PGLYRP3: variants seen among roughly 807,000 people sequenced by gnomAD.
PGLYRP3 encodes peptidoglycan recognition protein 3, also known as peptidoglycan recognition protein I alpha.
In PGLYRP3, 39 loss-of-function variants were observed where a neutral mutation model predicts 36.0. That is an observed-to-expected ratio of 1.08 (90% CI 0.84 to 1.41). The LOEUF is 1.41. Among genes scored for constraint, PGLYRP3 ranks in the 40% most tolerant of loss-of-function variants. The probability of loss-of-function intolerance (pLI) is 0.00; values close to 1 mark genes in which losing one functional copy is unlikely to be tolerated. For synonymous variants in PGLYRP3, 204 were observed against 172.8 expected (o/e 1.18, Z -1.42); for missense variants, 407 against 427.9 (o/e 0.95, Z 0.43).
chr1:153,304,144 G>C, intron 4 of PGLYRP3, 135 bp from the exon 5 acceptor site: 2 of 802,538 alleles, frequency 2.5e-6, no homozygotes, highest in Non-Finnish European at 3.8e-6. Flanking sequence ...CCAGTTGCCA[G>C]AACAGAGTGC....
In PGLYRP3 at chr1:153,307,104, A is replaced by G; in HGVS notation, c.219T>C (p.His73=). The G allele has an allele frequency of 6.2e-7, 1 of 1,613,732 alleles. No individual in the cohort carries two copies. Among genetic ancestry groups the G allele is most frequent in the Non-Finnish European group, 8.5e-7 (1 of 1,179,874 alleles). ...CGCACCAGCCTATGGTGTAGACGGA[A>G]TGGGACTGCAACCCCCGCAGCATCT... ...CSQMLRGLQS[H]SVYTIGWCDV... is the part of the protein sequence containing the mutation. Residue 73 remains histidine, a synonymous_variant, in exon 3 of 8, where the codon CAT becomes CAC. Coordinates refer to ENST00000683862, the MANE Select transcript of PGLYRP3 (RefSeq NM_052891.3).
chr1:153,304,094 C>T, intron 4 of PGLYRP3, 85 bp from the exon 5 acceptor site: 1 of 1,313,086 alleles, frequency 7.6e-7, no homozygotes, highest in South Asian at 1.4e-5. Flanking sequence ...GATATGACCA[C>T]TTGAGCCTGA....
At chr1:153,312,404 C>T (rs1349256697) in intron 1 of PGLYRP3, among the ~76,000 whole-genome samples, 1 of 152,140 alleles carries the variant, frequency 6.6e-6, no homozygotes. Context: ...GTAGAGGTAA[C>T]CTCAGAACCC....
chr1:153,311,561 T>C (rs1465701167), intron 1 of PGLYRP3, among the ~76,000 whole-genome samples: 2 of 152,200 alleles, frequency 1.3e-5, no homozygotes, highest in African/African-American at 2.4e-5. Flanking sequence ...AGGATCACTA[T>C]AGTCTTTTCC....
chr1:153,310,770 A>G, intron 1 of PGLYRP3, 64 bp from the exon 2 acceptor site: 2 of 1,000,286 alleles, frequency 2.0e-6, no homozygotes, highest in South Asian at 1.4e-5. Context: ...CCCACCTACT[A>G]TGTGGCACCA....
intron 6 of PGLYRP3, 95 bp from the exon 7 acceptor site, chr1:153,299,326 C>T (rs1659529781): frequency 1.1e-6 from 1 of 918,202 alleles, no homozygotes; most frequent in African/African-American, 1.6e-5. Context: ...TTCTTTCATC[C>T]ATTCATCCAA....
Position 153,299,185 on chromosome 1 carries a change from G to T in PGLYRP3, c.775C>A (p.His259Asn). The T allele has an allele frequency of 3.1e-6, 5 of 1,614,016 alleles. No homozygotes were observed. Among genetic ancestry groups the T allele is most frequent in the Non-Finnish European group, 4.2e-6 (5 of 1,179,986 alleles). Residue 259 changes from histidine to asparagine, a missense_variant, in exon 7 of 8, where the codon CAC becomes AAC. His to Asn is a moderately conservative substitution (Grantham distance 68, BLOSUM62 1). Coordinates refer to ENST00000683862, the MANE Select transcript of PGLYRP3 (RefSeq NM_052891.3). The part of the protein sequence containing the change: ...DGGVYEGVGW[H>N]IQGSHTYGFN... The stretch of plus-strand genomic sequence containing the variant: ...CCATAAGTGTGAGAGCCTTGGATGT[G>T]CCATCCAACCCCTTCATACACGCCA...
rs1175685618 is a variant in PGLYRP3 at position 153,304,084 on chromosome 1, G to T, written c.377-75C>A. 21 of 1,394,144 alleles carry T rather than the reference G, an allele frequency of 1.5e-5. No individual in the cohort carries two copies. In the South Asian group the frequency reaches 2.2e-4, roughly 14 times the overall value. 86.4% of individuals were successfully genotyped at this position (1,394,144 alleles called of 1,614,324 possible). ...TAGACCAGACACCTGCAGAAAGGAT[G>T]ATATGACCACTTGAGCCTGAATAAC... On this transcript the variant is annotated intron_variant, in intron 4 of 7. Coordinates refer to ENST00000683862, the MANE Select transcript of PGLYRP3 (RefSeq NM_052891.3).
At position 153,302,473 on chromosome 1, in the gene PGLYRP3, T is replaced by C; in HGVS notation, c.664A>G (p.Thr222Ala). The change falls in exon 6 of 8, where the codon ACT (threonine) becomes GCT (alanine). Residue 222 changes from threonine to alanine, a missense_variant. Coordinates refer to ENST00000683862, the MANE Select transcript of PGLYRP3 (RefSeq NM_052891.3). ...AAGGACTGTATGTTTCGGACGACAG[T>C]CTGGCAGTCTGTGGATACAGTGCAG... ...TSCTVSTDCQTVVRNIQSFHM... is the reference protein window; with the variant it reads ...TSCTVSTDCQAVVRNIQSFHM... 1 of 1,614,244 alleles carries C rather than the reference T, an allele frequency of 6.2e-7. No individual in the cohort carries two copies. The highest frequency in any genetic ancestry group is 1.7e-5 in the Admixed American group (1 of 60,034).
In PGLYRP3 at chr1:153,303,985, A is replaced by C; in HGVS notation, c.401T>G (p.Leu134Ter). The stretch of plus-strand genomic sequence containing the variant: ...GGAGATCAGACCCTCTGCAGCTGAT[A>C]AGGCAGCAGGGCTGGGACTGCTGCC... ...KIGSSPSPAA[L>*]SAAEGLISYA... The change falls in exon 5 of 8, where the codon TTA (leucine) becomes TGA (stop). Residue 134 changes from leucine to a stop codon, truncating the protein, a stop_gained. Transcript: ENST00000683862. LOFTEE classifies it high-confidence loss of function. The C allele has an allele frequency of 6.2e-7, 1 of 1,613,836 alleles. No individual in the cohort carries two copies. The highest frequency in any genetic ancestry group is 1.1e-5 in the South Asian group (1 of 91,024).
rs925598462 is a variant in PGLYRP3, at chr1:153,299,235, A to G, written c.729-4T>C. On this transcript the variant is annotated splice_polypyrimidine_tract_variant and splice_region_variant and intron_variant, in intron 6 of 7. Coordinates refer to ENST00000683862, the MANE Select transcript of PGLYRP3 (RefSeq NM_052891.3). ...ACCATCCTGGCCCACCAGGAAGCTT[A>G]GGTCAGGAAAAGAAAATGAAGACAG... The G allele has an allele frequency of 6.2e-7, 1 of 1,610,836 alleles. No homozygotes were observed. The highest frequency in any genetic ancestry group is 8.5e-7 in the Non-Finnish European group (1 of 1,177,252).
chr1:153,307,359 C>T (rs935433797), intron 2 of PGLYRP3, 92 bp from the exon 3 acceptor site: 39 of 1,238,342 alleles, frequency 3.1e-5, no homozygotes, highest in Non-Finnish European at 4.1e-5. Flanking sequence ...ATGCTCAGGC[C>T]CGACCTGCCC....
chr1:153,297,920 G>C lies in PGLYRP3; in HGVS notation c.*36C>G, dbSNP rs369192556. On this transcript the variant is annotated 3_prime_UTR_variant, in exon 8 of 8. Coordinates refer to ENST00000683862, the MANE Select transcript of PGLYRP3 (RefSeq NM_052891.3). ...GTGAGGGTTGGAGAGACCCAGCAGG[G>C]GAGGGAGGGCAGTCTCAAAGGGAGT... The C allele has an allele frequency of 6.2e-7, 1 of 1,604,734 alleles. No individual in the cohort carries two copies. Among genetic ancestry groups the C allele is most frequent in the East Asian group, 2.2e-5 (1 of 44,702 alleles).
At chr1:153,306,357 G>A (rs1181522033) in intron 3 of PGLYRP3, among the ~76,000 whole-genome samples, 1 of 152,182 alleles carries the variant, frequency 6.6e-6, no homozygotes, top group Non-Finnish European at 1.5e-5. Context: ...TGAGGCTAAG[G>A]GAGAAAAGGT....
intron 2 of PGLYRP3, 109 bp from the exon 3 acceptor site, chr1:153,307,376 T>A: frequency 9.5e-7 from 1 of 1,047,574 alleles, no homozygotes. Context: ...GCCCCATGCA[T>A]GGGAGACACC....
At chr1:153,311,352 G>T (rs1288210479) in intron 1 of PGLYRP3, among the ~76,000 whole-genome samples, 1 of 152,166 alleles carries the variant, frequency 6.6e-6, no homozygotes, top group African/African-American at 2.4e-5. Context: ...GTCTCACAAT[G>T]ACCTATGAGA....
At position 153,297,450 on chromosome 1, in the gene PGLYRP3, G is replaced by GA. The variant is rs1400070302; in HGVS notation, c.*505_*506insT. ...CTCACCAGGCAGAGGCGGGGAGAGGGGGAGAGAGAGAGAGAGAGAGAGAGA... is the reference window on the plus strand; with the variant it reads ...CTCACCAGGCAGAGGCGGGGAGAGGGAGGAGAGAGAGAGAGAGAGAGAGAGA... On this transcript the variant is annotated 3_prime_UTR_variant, in exon 8 of 8. Transcript: ENST00000683862. 5.1e-5 allele frequency among the ~76,000 whole-genome samples: 2 copies of GA among 39,136 alleles called. No individual in the cohort carries two copies. Among genetic ancestry groups the GA allele is most frequent in the Admixed American group, 1.9e-4 (1 of 5,162 alleles). 25.7% of individuals were successfully genotyped at this position (39,136 alleles called of 152,430 possible).
chr1:153,302,257 C>A, intron 6 of PGLYRP3, 152 bp downstream of exon 6: 1 of 771,780 alleles, frequency 1.3e-6, no homozygotes. Context: ...TCTGAATGAT[C>A]CTCAGCCCAA....
At chr1:153,312,092 C>T (rs821417) in intron 1 of PGLYRP3, among the ~76,000 whole-genome samples, 128,891 of 152,178 alleles carry the variant, frequency 0.85, 54,603 homozygotes, top group Middle Eastern at 0.87. Flanking sequence ...CACTTAATCA[C>T]TGTGCTTCCA....
Sources: allele counts gnomAD v4.1 joint callset (sites outside exome capture counted in the v4.1 genomes callset), GRCh38; gene constraint gnomAD v4.1.1; transcripts MANE v1.5; gene names NCBI Gene and HGNC (gene_info 2026-07-23, HGNC 2026-07-21).